The following GATA4 variants were observed in gnomAD, a reference collection of about 807,000 sequenced individuals.
GATA4 encodes the protein GATA binding protein 4, also known as transcription factor GATA-4.
In GATA4, 7 loss-of-function variants were observed where a neutral mutation model predicts 37.9. The observed-to-expected ratio is 0.18, with a 90% confidence interval of 0.11 to 0.35. The LOEUF (loss-of-function observed/expected upper bound fraction) is 0.35, where lower values mean the gene tolerates loss of function less well. Ranked by LOEUF, GATA4 falls within the 10% of genes least tolerant of loss-of-function variation. The pLI, the probability that GATA4 is intolerant of heterozygous loss-of-function variation, is 1.00. For missense variants in GATA4, 647 were observed against 653.0 expected, an observed-to-expected ratio of 0.99 and a Z score of 0.10; for synonymous variants, 372 against 292.6, an observed-to-expected ratio of 1.27 and a Z score of -2.77.
At chr8:11,734,381 A>T (rs1221579297) in intron 2 of GATA4, among the ~76,000 whole-genome samples, 1 of 152,266 alleles carries the variant, frequency 6.6e-6, no homozygotes, top group Non-Finnish European at 1.5e-5. Context: ...AGATCACGGC[A>T]CTGGCAGATT....
chr8:11,702,102 C>G (rs922705648), upstream of GATA4, among the ~76,000 whole-genome samples: 1 of 152,184 alleles, frequency 6.6e-6, no homozygotes, highest in Non-Finnish European at 1.5e-5. The surrounding 1 kb of genome is among the most constrained non-coding windows in gnomAD (Gnocchi z 4.4). Context: ...GGTGAAGGAT[C>G]GCCGCAAGGC....
At position 11,749,912 on chromosome 8, in the gene GATA4, C is replaced by G. The variant is rs1159623271; in HGVS notation, c.787-199C>G. ...GTTCGCTCTCCTCGGGCAGCAGAAA[C>G]CTTGTTCTGATTTATTCCTCGCAGT... On this transcript the variant is annotated intron_variant, in intron 3 of 6. Coordinates refer to ENST00000532059, the MANE Select transcript of GATA4 (RefSeq NM_001308093.3). This position sits in a 1 kb window ranked among gnomAD's most constrained non-coding sequence, Gnocchi z 4.6. Among the ~76,000 whole-genome samples, 49 of 152,204 alleles carry G rather than the reference C, an allele frequency of 3.2e-4. No homozygotes were observed. Among genetic ancestry groups the G allele is most frequent in the Non-Finnish European group, 4.4e-5 (3 of 68,042 alleles).
In GATA4 at chr8:11,749,900, G is replaced by A. The variant is rs959355193; in HGVS notation, c.787-211G>A. Among the ~76,000 whole-genome samples, 1 of 152,174 alleles carries A rather than the reference G, an allele frequency of 6.6e-6. No individual in the cohort carries two copies. The highest frequency in any genetic ancestry group is 6.5e-5 in the Admixed American group (1 of 15,274). On this transcript the variant is annotated intron_variant, in intron 3 of 6. Transcript: ENST00000532059. The surrounding 1 kb of genome is among the most constrained non-coding windows in gnomAD (Gnocchi z 4.6). ...CTCGATGCCCACGTTCGCTCTCCTC[G>A]GGCAGCAGAAACCTTGTTCTGATTT...
intron 2 of GATA4, among the ~76,000 whole-genome samples, chr8:11,730,809 G>A (rs868111681): frequency 6.6e-6 from 1 of 152,318 alleles, no homozygotes; most frequent in African/African-American, 2.4e-5. Flanking sequence ...CAGGTCACAG[G>A]GACCTGCCCA....
intron 2 of GATA4, among the ~76,000 whole-genome samples, chr8:11,744,668 A>G (rs1563224332): frequency 6.6e-6 from 1 of 152,240 alleles, no homozygotes; most frequent in Non-Finnish European, 1.5e-5. Flanking sequence ...ATAATTGTTT[A>G]AAAATATGTG....
At chr8:11,681,398 G>T in intron 1 of GATA4, 1 of 985,202 alleles carries the variant, frequency 1.0e-6, no homozygotes, top group Non-Finnish European at 1.2e-6. Context: ...GACCCTTCCG[G>T]GATCACGCGT....
intron 4 of GATA4, among the ~76,000 whole-genome samples, chr8:11,754,280 G>C (rs79945119): frequency 0.21 from 32,706 of 152,170 alleles, 3,722 homozygotes; most frequent in East Asian, 0.29. Flanking sequence ...GCAGTGGCAC[G>C]ATCACGGCTT....
chr8:11,703,154 T>C (rs968514232), upstream of GATA4, among the ~76,000 whole-genome samples: 1 of 150,846 alleles, frequency 6.6e-6, no homozygotes, highest in Non-Finnish European at 1.5e-5. Context: ...GAGAAGCCCG[T>C]GCTGGAGAGA....
At chr8:11,703,635 T>A (rs1451128243), upstream of GATA4, among the ~76,000 whole-genome samples, 1 of 152,206 alleles carries the variant, frequency 6.6e-6, no homozygotes. Flanking sequence ...ACCATCTCCC[T>A]GGGATTTTGG....
rs1354776930 is a variant in GATA4 at position 11,709,579 on chromosome 8, G to C, written c.616+651G>C. ...GTGGGCGCATCATGCGGGCAGCGGG[G>C]GGGGGGGCGCACACGCCCGGTCAGT... is the stretch of plus-strand genomic sequence containing the variant. On this transcript the variant is annotated intron_variant, in intron 2 of 6. Transcript: ENST00000532059. This position sits in a 1 kb window ranked among gnomAD's most constrained non-coding sequence, Gnocchi z 4.3. Among the ~76,000 whole-genome samples, 1 of 151,898 alleles carries C rather than the reference G, an allele frequency of 6.6e-6. No homozygotes were observed. The highest frequency in any genetic ancestry group is 2.1e-4 in the South Asian group (1 of 4,800).
chr8:11,724,384 T>C (rs1456865050), intron 2 of GATA4, among the ~76,000 whole-genome samples: 1 of 152,210 alleles, frequency 6.6e-6, no homozygotes, highest in African/African-American at 2.4e-5. Flanking sequence ...TTAGGGACCA[T>C]CATCCCATTT....
chr8:11,696,216 C>T (rs1799503973), intron 1 of GATA4, among the ~76,000 whole-genome samples: 2 of 152,148 alleles, frequency 1.3e-5, no homozygotes, highest in Non-Finnish European at 2.9e-5. Flanking sequence ...TGACCACCAT[C>T]ACAAGATATG....
In GATA4 at chr8:11,755,233, C is replaced by T. The variant is rs147407869; in HGVS notation, c.1000+100C>T. 382 of 941,480 alleles carry T rather than the reference C, an allele frequency of 4.1e-4. 2 individuals carry two copies. The East Asian group carries it at 9.7e-3, about 24-fold the overall frequency. 58.3% of individuals were successfully genotyped at this position (941,480 alleles called of 1,614,324 possible). The stretch of plus-strand genomic sequence containing the variant: ...GGTTAGGCAGGCCAGCCCGGGCCGC[C>T]AGGGGGTGGTGACAGCATCGGACAT... On this transcript the variant is annotated intron_variant, in intron 5 of 6. Coordinates refer to ENST00000532059, the MANE Select transcript of GATA4 (RefSeq NM_001308093.3).
chr8:11,698,462 T>G (rs1799572032), intron 1 of GATA4, among the ~76,000 whole-genome samples: 1 of 152,188 alleles, frequency 6.6e-6, no homozygotes. Context: ...CCCTCTCTGC[T>G]GCTGGCCAGT....
rs772713498 is a variant in GATA4, at chr8:11,708,293, G to A, written c.-20G>A. 1.8e-5 allele frequency: 29 copies of A among 1,569,040 alleles called. No homozygotes were observed. Among genetic ancestry groups the A allele is most frequent in the Admixed American group, 3.6e-5 (2 of 55,822 alleles). On this transcript the variant is annotated 5_prime_UTR_variant, in exon 2 of 7. Transcript: ENST00000532059. The surrounding 1 kb of genome is among the most constrained non-coding windows in gnomAD (Gnocchi z 6.7). ...TGCGAGGGAGAGAGAGGACACCGAAGCCGGGAGCTCGCAGGGACCATGTAT... is the reference window on the plus strand; with the variant it reads ...TGCGAGGGAGAGAGAGGACACCGAAACCGGGAGCTCGCAGGGACCATGTAT...
intron 2 of GATA4, among the ~76,000 whole-genome samples, chr8:11,725,095 G>T (rs145231062): frequency 6.6e-6 from 1 of 152,234 alleles, no homozygotes; most frequent in Non-Finnish European, 1.5e-5. Flanking sequence ...TGTCATGGAA[G>T]GAGTCACGCT....
chr8:11,689,161 C>T (rs1366956737), upstream of GATA4, among the ~76,000 whole-genome samples: 1 of 152,180 alleles, frequency 6.6e-6, no homozygotes, highest in African/African-American at 2.4e-5. Context: ...TGTCCCTCCC[C>T]AGGGATGGGG....
chr8:11,727,311 TG>T (rs1443331001), intron 2 of GATA4, among the ~76,000 whole-genome samples: 1 of 150,952 alleles, frequency 6.6e-6, no homozygotes, highest in Non-Finnish European at 1.5e-5. Context: ...AAGCAGAGGA[TG>T]GGGGGAGAAG....
intron 2 of GATA4, among the ~76,000 whole-genome samples, chr8:11,729,385 T>C (rs1353405073): frequency 1.3e-5 from 2 of 151,784 alleles, no homozygotes; most frequent in Admixed American, 6.6e-5. Context: ...CTGGCCAACA[T>C]AGTGAAACCC....
Sources: gnomAD v4.1 joint callset for allele counts (sites outside exome capture counted in the v4.1 genomes callset) on GRCh38, gnomAD v4.1.1 for gene constraint, Gnocchi (gnomAD v3.1) non-coding constraint, MANE v1.5 for transcripts, NCBI Gene and HGNC (gene_info 2026-07-23, HGNC 2026-07-21) for gene names.